GRM7: variants seen among roughly 807,000 people sequenced by gnomAD.
GRM7 encodes glutamate metabotropic receptor 7.
In GRM7, 35 loss-of-function variants were observed where a neutral mutation model predicts 84.5. The observed-to-expected ratio is 0.41, with a 90% CI of 0.32 to 0.55. The LOEUF is 0.55. GRM7 is among the 20% of genes least tolerant of loss of function. GRM7 has a pLI of 0.19. For missense variants in GRM7, 1,003 were observed against 1,194.6 expected (o/e 0.84, Z 2.36); for synonymous variants, 487 against 455.1 (o/e 1.07, Z -0.89).
intron 1 of GRM7, among the ~76,000 whole-genome samples, chr3:7,009,165 A>G (rs1695286205): frequency 1.3e-5 from 2 of 152,234 alleles, no homozygotes; most frequent in Admixed American, 1.3e-4. Context: ...CAGATATGAA[A>G]CAACTGGTGC....
In GRM7 at chr3:7,447,802, G is replaced by A. The variant is rs1697582736; in HGVS notation, c.1175-4805G>A. Reference sequence around the variant, plus strand: ...TTAGGGTACATGTGCATAATGTGCAGGTTAGTTACATATGTATACATGTGC... The same window carrying A: ...TTAGGGTACATGTGCATAATGTGCAAGTTAGTTACATATGTATACATGTGC... On this transcript the variant is annotated intron_variant, in intron 5 of 9. Transcript: ENST00000357716. Among the ~76,000 whole-genome samples the A allele has an allele frequency of 2.0e-5, 3 of 151,416 alleles. No homozygotes were observed. The South Asian group carries it at 6.3e-4, about 32-fold the overall frequency.
intron 1 of GRM7, among the ~76,000 whole-genome samples, chr3:6,939,054 A>G (rs1317593368): frequency 6.6e-6 from 1 of 152,208 alleles, no homozygotes. Flanking sequence ...TATATGTTTC[A>G]TTTTGATTTT....
chr3:7,054,357 AT>A (rs1281720596), intron 1 of GRM7, among the ~76,000 whole-genome samples: 2 of 149,632 alleles, frequency 1.3e-5, no homozygotes, highest in Non-Finnish European at 3.0e-5. Context: ...TATATGATAT[AT>A]GTATGATATA....
Position 7,384,953 on chromosome 3 carries a change from A to T in GRM7, c.1034-30070A>T, listed in dbSNP as rs564608971. Among the ~76,000 whole-genome samples, 12 of 152,364 alleles carry T rather than the reference A, an allele frequency of 7.9e-5. No homozygotes were observed. In the East Asian group the frequency reaches 2.1e-3, roughly 27 times the overall value. On this transcript the variant is annotated intron_variant, in intron 4 of 9. Coordinates refer to ENST00000357716, the MANE Select transcript of GRM7 (RefSeq NM_000844.4). ...CAAATACATTTTAAACAATAGATGT[A>T]ATACTGGAAAAAAGATAACAATTTT... is the stretch of plus-strand genomic sequence containing the variant.
chr3:7,535,547 T>C (rs1433634606), intron 7 of GRM7, among the ~76,000 whole-genome samples: 1 of 152,176 alleles, frequency 6.6e-6, no homozygotes, highest in Admixed American at 6.5e-5. Context: ...TCCTCCATAA[T>C]TCAACTGACA....
chr3:7,540,617 T>C (rs1365408517), intron 7 of GRM7, among the ~76,000 whole-genome samples: 1 of 152,220 alleles, frequency 6.6e-6, no homozygotes, highest in Non-Finnish European at 1.5e-5. Flanking sequence ...TTCTTTGCAG[T>C]GATGAAATGT....
Position 6,879,737 on chromosome 3 carries a change from G to C in GRM7, c.519+17830G>C, listed in dbSNP as rs544160965. 1.2e-4 allele frequency among the ~76,000 whole-genome samples: 19 copies of C among 152,308 alleles called. 1 individual carries two copies. Among genetic ancestry groups the C allele is most frequent in the African/African-American group, 4.3e-4 (18 of 41,574 alleles). The stretch of plus-strand genomic sequence containing the variant: ...CTAGGAAGAATTCTGGGAACCTGAG[G>C]TTAGAATTCAGTATCGATTTATAAT... On this transcript the variant is annotated intron_variant, in intron 1 of 9. Transcript: ENST00000357716.
At chr3:7,378,083 A>G (rs994209352) in intron 4 of GRM7, among the ~76,000 whole-genome samples, 4 of 152,168 alleles carry the variant, frequency 2.6e-5, no homozygotes, top group Non-Finnish European at 5.9e-5. Context: ...TCATTTCTAG[A>G]CAAAATTATA....
At chr3:7,613,121 A>G (rs1434900709) in intron 8 of GRM7, among the ~76,000 whole-genome samples, 1 of 152,092 alleles carries the variant, frequency 6.6e-6, no homozygotes, top group East Asian at 1.9e-4. Context: ...CCTGGGAAAC[A>G]CTTTTCATGA....
intron 7 of GRM7, among the ~76,000 whole-genome samples, chr3:7,550,172 T>C (rs1378490608): frequency 6.6e-6 from 1 of 151,956 alleles, no homozygotes; most frequent in Non-Finnish European, 1.5e-5. Context: ...TTTTTAAGAA[T>C]TGGGTAACTG....
At chr3:7,454,310 G>A (rs1364048607) in intron 6 of GRM7, among the ~76,000 whole-genome samples, 1 of 152,088 alleles carries the variant, frequency 6.6e-6, no homozygotes, top group East Asian at 1.9e-4. Context: ...AAAAGACATA[G>A]GAGAAAGCAC....
At chr3:6,909,795 A>G (rs1040516553) in intron 1 of GRM7, among the ~76,000 whole-genome samples, 1 of 152,136 alleles carries the variant, frequency 6.6e-6, no homozygotes. Context: ...CAATTGGGAC[A>G]CAAGAAAAAT....
At chr3:7,293,480 T>G (rs1475001371) in intron 2 of GRM7, among the ~76,000 whole-genome samples, 1 of 152,218 alleles carries the variant, frequency 6.6e-6, no homozygotes, top group East Asian at 1.9e-4. Flanking sequence ...TGAGGTGCTA[T>G]GAATGGAGTT....
At chr3:7,364,365 G>C (rs892635714) in intron 4 of GRM7, among the ~76,000 whole-genome samples, 1 of 151,624 alleles carries the variant, frequency 6.6e-6, no homozygotes, top group East Asian at 1.9e-4. Flanking sequence ...ATGTTTGTTT[G>C]TTTTTTAAGT....
chr3:7,714,736 A>T (rs771767368), intron 9 of GRM7, among the ~76,000 whole-genome samples: 3 of 152,198 alleles, frequency 2.0e-5, no homozygotes, highest in Non-Finnish European at 4.4e-5. Flanking sequence ...TCCTCTGTGG[A>T]TAAATCCTCT....
At chr3:7,722,228 T>G (rs978928741) in intron 9 of GRM7, among the ~76,000 whole-genome samples, 7 of 152,174 alleles carry the variant, frequency 4.6e-5, no homozygotes, top group African/African-American at 1.2e-4. Flanking sequence ...CCATATGCAT[T>G]CAGAAGATTA....
At chr3:7,171,191 G>C (rs763818832) in intron 2 of GRM7, among the ~76,000 whole-genome samples, 17 of 152,128 alleles carry the variant, frequency 1.1e-4, no homozygotes, top group Admixed American at 9.8e-4. Context: ...AAGACAGGAG[G>C]ATCTGCTCCA....
At chr3:7,380,876 C>T (rs1404388535) in intron 4 of GRM7, among the ~76,000 whole-genome samples, 1 of 152,130 alleles carries the variant, frequency 6.6e-6, no homozygotes, top group Non-Finnish European at 1.5e-5. Flanking sequence ...CAGTATATAA[C>T]CCTGGAGAAA....
intron 1 of GRM7, among the ~76,000 whole-genome samples, chr3:7,019,506 G>A (rs1695696348): frequency 6.6e-6 from 1 of 152,074 alleles, no homozygotes; most frequent in African/African-American, 2.4e-5. Context: ...CATGTCTCCC[G>A]ACAAATATAG....
Sources: gnomAD v4.1 joint callset for allele counts (sites outside exome capture counted in the v4.1 genomes callset) on GRCh38, gnomAD v4.1.1 for gene constraint, MANE v1.5 for transcripts, NCBI Gene and HGNC (gene_info 2026-07-23, HGNC 2026-07-21) for gene names.